ANKDD1A: variants seen among roughly 807,000 people sequenced by gnomAD.
The protein encoded by ANKDD1A is ankyrin repeat and death domain-containing protein 1A.
In ANKDD1A, 59 loss-of-function variants were observed where a neutral mutation model predicts 63.5. That is an observed-to-expected ratio of 0.93 (90% CI 0.75 to 1.15). The LOEUF (loss-of-function observed/expected upper bound fraction) is 1.15, where lower values mean the gene tolerates loss of function less well. ANKDD1A is among the 50% of genes most tolerant of loss of function. The pLI is 0.00. For synonymous variants in ANKDD1A, 266 were observed against 263.9 expected, an observed-to-expected ratio of 1.01 and a Z score of -0.08; for missense variants, 632 against 656.4, an observed-to-expected ratio of 0.96 and a Z score of 0.41.
chr15:64,954,863 C>CT (rs2085399920), intron 14 of ANKDD1A, among the ~76,000 whole-genome samples: 6 of 40,412 alleles, frequency 1.5e-4, no homozygotes, highest in South Asian at 2.3e-3. Context: ...CTTCTTTCTT[C>CT]TCCTTTTCTT....
rs1346940090 is a variant in ANKDD1A at position 64,953,695 on chromosome 15, CTTCT to C, written c.1484-3402_1484-3399del. Among the ~76,000 whole-genome samples, 13 of 35,786 alleles carry C rather than the reference CTTCT, an allele frequency of 3.6e-4. 1 individual carries two copies. The highest frequency in any genetic ancestry group is 2.4e-3 in the East Asian group (1 of 418). 23.5% of individuals were successfully genotyped at this position (35,786 alleles called of 152,430 possible). A position where few individuals can be genotyped will look rare whatever the true frequency, so the allele number is the denominator to read the frequency against. On this transcript the variant is annotated intron_variant, in intron 14 of 14. Transcript: ENST00000319580. ...CCTTCTTTTCTTCTCCTTCTCCCTT[CTTCT>C]TTCTTCTTCTCCTTGTTCTTCTCCT...
At position 64,931,578 on chromosome 15, in the gene ANKDD1A, TCACC is replaced by T. The variant is rs1179247913; in HGVS notation, c.764_767del (p.Thr255ArgfsTer4). On this transcript the variant is annotated frameshift_variant, in exon 8 of 15. Coordinates refer to ENST00000319580, the MANE Select transcript of ANKDD1A (RefSeq NM_182703.6). LOFTEE classifies it high-confidence loss of function. ...AGGGCTGGGAGCACCGTGAATGCCC[TCACC>T]CAGGTAGCCAGGCCCTCCCAAGACT... 12 of 1,613,812 alleles carry T rather than the reference TCACC, an allele frequency of 7.4e-6. No homozygotes were observed. The highest frequency in any genetic ancestry group is 1.0e-5 in the Non-Finnish European group (12 of 1,180,018).
chr15:64,951,124 C>T, intron 14 of ANKDD1A: 2 of 1,155,166 alleles, frequency 1.7e-6, no homozygotes, highest in Non-Finnish European at 2.2e-6. Flanking sequence ...TAACAGACCT[C>T]CAGGTGATTC....
chr15:64,946,835 C>T (rs1480931832), intron 12 of ANKDD1A, among the ~76,000 whole-genome samples: 2 of 152,188 alleles, frequency 1.3e-5, no homozygotes, highest in African/African-American at 4.8e-5. Flanking sequence ...CTGAACTTAA[C>T]AACCAGAACT....
At chr15:64,925,216 A>C (rs1433838185) in intron 4 of ANKDD1A, among the ~76,000 whole-genome samples, 2 of 140,434 alleles carry the variant, frequency 1.4e-5, no homozygotes, top group Admixed American at 7.3e-5. Context: ...AGACAGAGTG[A>C]GACTCCGACT....
chr15:64,946,501 C>T (rs1317978785), intron 12 of ANKDD1A, among the ~76,000 whole-genome samples: 1 of 152,124 alleles, frequency 6.6e-6, no homozygotes, highest in Non-Finnish European at 1.5e-5. Context: ...TTGGACTAGC[C>T]GATTCATCTC....
intron 14 of ANKDD1A, among the ~76,000 whole-genome samples, chr15:64,954,924 T>A (rs551068818): frequency 3.2e-5 from 1 of 30,962 alleles, no homozygotes; most frequent in East Asian, 6.0e-3. Context: ...TCTCTCTCCT[T>A]CTTCTCCTTC....
chr15:64,949,749 G>A (rs1002579786), intron 13 of ANKDD1A, 92 bp from the exon 14 acceptor site: 5 of 1,538,034 alleles, frequency 3.3e-6, no homozygotes, highest in Non-Finnish European at 3.5e-6. Flanking sequence ...GGCATGTTCA[G>A]GAGGCGGTGC....
intron 3 of ANKDD1A, among the ~76,000 whole-genome samples, chr15:64,918,087 G>C (rs1006575589): frequency 6.6e-6 from 1 of 152,182 alleles, no homozygotes; most frequent in Admixed American, 6.5e-5. Context: ...AAAGCGCCTG[G>C]GCGCGATGGC....
At chr15:64,953,714 GTTCTTCTCC>G (rs368233263) in intron 14 of ANKDD1A, among the ~76,000 whole-genome samples, 8 of 12,106 alleles carry the variant, frequency 6.6e-4, no homozygotes, top group Admixed American at 2.4e-3. Flanking sequence ...TCTTCTCCTT[GTTCTTCTCC>G]TTCTTCTCCT....
chr15:64,924,366 C>T (rs948111990), intron 4 of ANKDD1A, among the ~76,000 whole-genome samples: 20 of 152,284 alleles, frequency 1.3e-4, no homozygotes, highest in African/African-American at 4.8e-4. Context: ...AAGCCCATCA[C>T]AGGACCAGTG....
At chr15:64,951,406 T>TTTC (rs2085272990) in intron 14 of ANKDD1A, 1 of 269,528 alleles carries the variant, frequency 3.7e-6, no homozygotes, top group Admixed American at 9.1e-5. Flanking sequence ...TCTTTTTTCT[T>TTTC]TTTTCTTTTC....
intron 7 of ANKDD1A, 53 bp downstream of exon 7, chr15:64,930,973 C>T: frequency 2.6e-6 from 4 of 1,558,782 alleles, no homozygotes; most frequent in Non-Finnish European, 3.5e-6. Context: ...TGCTCTCTGC[C>T]TTCGAGGAAC....
rs1367097172 is a variant in ANKDD1A at position 64,957,848 on chromosome 15, T to C, written c.*660T>C. ...ACACGATACAGATCAGTGCATATAG[T>C]ATATTACTAATAGTATGCTGTTAAT... On this transcript the variant is annotated 3_prime_UTR_variant, in exon 15 of 15. Coordinates refer to ENST00000319580, the MANE Select transcript of ANKDD1A (RefSeq NM_182703.6). The C allele has an allele frequency of 6.6e-6, 1 of 152,152 alleles. No individual in the cohort carries two copies. Among genetic ancestry groups the C allele is most frequent in the African/African-American group, 2.4e-5 (1 of 41,418 alleles). 9.4% of individuals were successfully genotyped at this position (152,152 alleles called of 1,614,324 possible). A position where few individuals can be genotyped will look rare whatever the true frequency, so the allele number is the denominator to read the frequency against.
chr15:64,949,098 G>A (rs1340937879), intron 13 of ANKDD1A, among the ~76,000 whole-genome samples: 4 of 152,274 alleles, frequency 2.6e-5, no homozygotes, highest in Admixed American at 1.3e-4. Context: ...GAAGGTCAGA[G>A]GGGCGAATGG....
At chr15:64,919,027 G>T (rs146090628) in intron 3 of ANKDD1A, among the ~76,000 whole-genome samples, 70 of 152,152 alleles carry the variant, frequency 4.6e-4, no homozygotes, top group Middle Eastern at 3.2e-3. Flanking sequence ...AAGACAGCCT[G>T]CTGGGCTTGC....
rs548618298 is a variant in ANKDD1A at position 64,914,559 on chromosome 15, G to A, written c.35-1238G>A. Reference sequence around the variant, plus strand: ...TCCTCCTGCCTTGGCCTCCCAAAGTGCTGGGATTGCACGCATGAGCCACCA... The same window carrying A: ...TCCTCCTGCCTTGGCCTCCCAAAGTACTGGGATTGCACGCATGAGCCACCA... On this transcript the variant is annotated intron_variant, in intron 1 of 14. Transcript: ENST00000319580. Among the ~76,000 whole-genome samples the A allele has an allele frequency of 2.6e-5, 4 of 152,392 alleles. No individual in the cohort carries two copies. The East Asian group carries it at 5.8e-4, about 22-fold the overall frequency.
Position 64,952,829 on chromosome 15 carries a change from T to C in ANKDD1A, c.1483+2857T>C, listed in dbSNP as rs1397136897. 1.0e-4 allele frequency among the ~76,000 whole-genome samples: 14 copies of C among 137,444 alleles called. 1 individual carries two copies. Among genetic ancestry groups the C allele is most frequent in the Admixed American group, 7.5e-4 (10 of 13,330 alleles). The allele number at this position is 137,444 out of a possible 152,430, so 90.2% of individuals were successfully genotyped here. A position where few individuals can be genotyped will look rare whatever the true frequency, so the allele number is the denominator to read the frequency against. On this transcript the variant is annotated intron_variant, in intron 14 of 14. Transcript: ENST00000319580. ...CCTTCTCCTCCTTCTTCCTCCTCCT[T>C]CTTCCTTTCTTCTCCTTGTCTCTTC...
intron 14 of ANKDD1A, among the ~76,000 whole-genome samples, chr15:64,954,755 TTTTTGTTC>T (rs2085397372): frequency 3.1e-3 from 225 of 71,844 alleles, no homozygotes; most frequent in African/African-American, 7.6e-3. Context: ...TTCTTCTTTC[TTTTTGTTC>T]TTCTTTCTTC....
Sources: allele counts gnomAD v4.1 joint callset (sites outside exome capture counted in the v4.1 genomes callset), GRCh38; gene constraint gnomAD v4.1.1; transcripts MANE v1.5; gene names NCBI Gene and HGNC (gene_info 2026-07-23, HGNC 2026-07-21).